The following PCDH11X variants were observed in gnomAD, a reference collection of about 807,000 sequenced individuals.
PCDH11X encodes the protein protocadherin-11 X-linked.
Under a neutral mutation model 53.3 loss-of-function variants are expected in PCDH11X, and 18 were observed. That is an observed-to-expected ratio of 0.34 (90% CI 0.23 to 0.50). PCDH11X has a LOEUF of 0.50. PCDH11X is among the 20% of genes least tolerant of loss of function. PCDH11X has a pLI of 0.98. For synonymous variants in PCDH11X, 279 were observed against 393.3 expected (o/e 0.71, Z 3.44); for missense variants, 570 against 1,032.4 (o/e 0.55, Z 6.14).
chrX:92,117,451 T>C (rs2064664462), intron 6 of PCDH11X, among the ~76,000 whole-genome samples: 1 of 105,442 alleles, frequency 9.5e-6, no homozygotes, highest in South Asian at 4.3e-4. Context: ...AAAAAAAAAG[T>C]AATACCATAT....
intron 6 of PCDH11X, among the ~76,000 whole-genome samples, chrX:92,161,600 C>A (rs2148260020): frequency 9.2e-6 from 1 of 108,676 alleles, no homozygotes; most frequent in African/African-American, 3.4e-5. Context: ...AATTAGTCCC[C>A]CAAATATGTT....
At chrX:92,175,756 A>ATG (rs751094829) in intron 6 of PCDH11X, among the ~76,000 whole-genome samples, 1,334 of 70,848 alleles carry the variant, frequency 0.019, 18 homozygotes, top group African/African-American at 0.044. Flanking sequence ...GTATACATAT[A>ATG]TGTGTGTGTG....
intron 6 of PCDH11X, among the ~76,000 whole-genome samples, chrX:92,102,100 G>A (rs2064267603): frequency 9.0e-6 from 1 of 110,922 alleles, no homozygotes; most frequent in African/African-American, 3.3e-5. Context: ...GGTCAGGTGT[G>A]GTATCAGGAA....
intron 10 of PCDH11X, among the ~76,000 whole-genome samples, chrX:92,498,233 T>G (rs1218438625): frequency 9.0e-6 from 1 of 111,025 alleles, no homozygotes; most frequent in Non-Finnish European, 1.9e-5. Context: ...GTATGCTCCT[T>G]AAAAGAGGTA....
chrX:91,784,514 A>G (rs1167802686), intron 1 of PCDH11X, among the ~76,000 whole-genome samples: 2 of 111,736 alleles, frequency 1.8e-5, no homozygotes, highest in Non-Finnish European at 3.8e-5. Flanking sequence ...TGTCCTGGGG[A>G]GACCCCCACT....
chrX:92,259,128 C>T (rs1415119252), intron 7 of PCDH11X, among the ~76,000 whole-genome samples: 1 of 110,613 alleles, frequency 9.0e-6, no homozygotes, highest in African/African-American at 3.3e-5. Context: ...CAAATTTTCC[C>T]TCATCTTCCT....
intron 8 of PCDH11X, among the ~76,000 whole-genome samples, chrX:92,282,293 T>A (rs968532619): frequency 8.9e-6 from 1 of 111,844 alleles, no homozygotes; most frequent in Admixed American, 9.5e-5. Context: ...ATCTTAAAAT[T>A]TTTTTCCTAA....
intron 8 of PCDH11X, among the ~76,000 whole-genome samples, chrX:92,317,179 C>G (rs1421943409): frequency 2.0e-5 from 2 of 98,657 alleles, no homozygotes; most frequent in Non-Finnish European, 4.1e-5. Context: ...CCCACCCCCC[C>G]ATCCCTGCTT....
intron 10 of PCDH11X, among the ~76,000 whole-genome samples, chrX:92,486,747 G>A (rs2557200): frequency 0.26 from 27,797 of 108,139 alleles, 3,212 homozygotes; most frequent in East Asian, 0.51. Flanking sequence ...AAACTTACCA[G>A]ATATTTCTGA....
intron 10 of PCDH11X, among the ~76,000 whole-genome samples, chrX:92,475,849 C>A (rs2073371451): frequency 8.9e-6 from 1 of 111,841 alleles, no homozygotes; most frequent in South Asian, 3.7e-4. Context: ...TATCTAGATT[C>A]TGTAGTTGTA....
At chrX:92,406,930 A>T (rs1315516476) in intron 9 of PCDH11X, among the ~76,000 whole-genome samples, 1 of 24,558 alleles carries the variant, frequency 4.1e-5, no homozygotes, top group Non-Finnish European at 6.5e-5. Context: ...CCATCTCATA[A>T]AAAAAAAAAA....
chrX:92,339,764 A>T (rs1201059772), intron 8 of PCDH11X, among the ~76,000 whole-genome samples: 4 of 108,730 alleles, frequency 3.7e-5, no homozygotes, highest in African/African-American at 1.0e-4. Context: ...AACACTGGGC[A>T]TTACAATACA....
At chrX:92,186,552 C>T (rs2066099295) in intron 6 of PCDH11X, among the ~76,000 whole-genome samples, 2 of 100,269 alleles carry the variant, frequency 2.0e-5, no homozygotes, top group Admixed American at 1.2e-4. Flanking sequence ...GGCTTGAACC[C>T]GGGAGGCGGA....
chrX:92,546,313 C>T (rs906748548), intron 10 of PCDH11X, among the ~76,000 whole-genome samples: 3 of 110,607 alleles, frequency 2.7e-5, no homozygotes, highest in Non-Finnish European at 3.8e-5. Flanking sequence ...AGATTCTAGC[C>T]GGAATGGGGT....
At chrX:92,593,370 T>C (rs868027125) in intron 10 of PCDH11X, among the ~76,000 whole-genome samples, 3 of 111,931 alleles carry the variant, frequency 2.7e-5, no homozygotes, top group Middle Eastern at 4.6e-3. Flanking sequence ...TGGTTAAAAT[T>C]GCTTGCTTAC....
intron 6 of PCDH11X, among the ~76,000 whole-genome samples, chrX:92,127,495 C>T (rs1256156479): frequency 9.2e-6 from 1 of 108,310 alleles, no homozygotes; most frequent in Non-Finnish European, 1.9e-5. Context: ...TCAGAAGCAG[C>T]CACATAGTTA....
chrX:92,542,251 C>CT (rs1472726612), intron 10 of PCDH11X, among the ~76,000 whole-genome samples: 1 of 111,197 alleles, frequency 9.0e-6, no homozygotes, highest in South Asian at 3.7e-4. Context: ...GAGAAAATCT[C>CT]TTTTTTTGAA....
At chrX:92,480,858 G>C (rs2073487948) in intron 10 of PCDH11X, among the ~76,000 whole-genome samples, 1 of 111,598 alleles carries the variant, frequency 9.0e-6, no homozygotes, top group Non-Finnish European at 1.9e-5. Flanking sequence ...TGGCAGCACT[G>C]TGTGGTACCT....
At chrX:91,822,529 T>A (rs12388706) in intron 4 of PCDH11X, among the ~76,000 whole-genome samples, 2,817 of 110,085 alleles carry the variant, frequency 0.026, 41 homozygotes, top group Admixed American at 0.036. Context: ...ATCCCCTTTA[T>A]CATTTTTTAT....
Sources: gnomAD v4.1 joint callset for allele counts (sites outside exome capture counted in the v4.1 genomes callset) on GRCh38, gnomAD v4.1.1 for gene constraint, MANE v1.5 for transcripts, NCBI Gene and HGNC (gene_info 2026-07-23, HGNC 2026-07-21) for gene names.